The following NELFCD variants were observed in gnomAD, a reference collection of about 807,000 sequenced individuals.
NELFCD encodes the protein negative elongation factor C/D.
A neutral mutation model predicts 72.9 loss-of-function variants in NELFCD; 48 were observed. That is an observed-to-expected ratio of 0.66 (90% confidence interval 0.52 to 0.84). The LOEUF (loss-of-function observed/expected upper bound fraction) is 0.84, where lower values mean the gene tolerates loss of function less well. Ranked by LOEUF, NELFCD falls within the 40% of genes least tolerant of loss-of-function variation. The pLI is 0.00. For missense variants in NELFCD, 538 were observed against 723.8 expected, an observed-to-expected ratio of 0.74 and a Z score of 2.94; for synonymous variants, 297 against 280.6, an observed-to-expected ratio of 1.06 and a Z score of -0.59.
intron 10 of NELFCD, 132 bp downstream of exon 10, chr20:58,992,152 CAG>C: frequency 1.0e-6 from 1 of 1,003,716 alleles, no homozygotes; most frequent in Non-Finnish European, 1.4e-6. Context: ...CATTTTTAAA[CAG>C]TATGTAGGGA....
chr20:58,986,835 C>T lies in NELFCD; in HGVS notation c.258C>T (p.Asn86=). 2 of 1,613,862 alleles carry T rather than the reference C, an allele frequency of 1.2e-6. No individual in the cohort carries two copies. The highest frequency in any genetic ancestry group is 1.7e-6 in the Non-Finnish European group (2 of 1,179,850). ...ACACCGCTGTGGCCCAGACTGTGAA[C>T]CTGCTGGCCGAGTGGCTCATTCAGA... ...ENYTAVAQTV[N]LLAEWLIQTG... The change falls in exon 3 of 15, where the codon AAC becomes AAT. Residue 86 remains asparagine, a synonymous_variant. Coordinates refer to ENST00000652272, the MANE Select transcript of NELFCD (RefSeq NM_198976.4). The surrounding 1 kb of genome is among the most constrained non-coding windows in gnomAD (Gnocchi z 4.4).
intron 4 of NELFCD, 86 bp from the exon 5 acceptor site, chr20:58,988,828 C>A: frequency 2.0e-6 from 2 of 985,464 alleles, no homozygotes; most frequent in Non-Finnish European, 3.2e-6. Flanking sequence ...CAGCACCAAT[C>A]TCCTGTGATC....
intron 10 of NELFCD, 150 bp from the exon 11 acceptor site, chr20:58,992,848 C>CAAAAAAAAAAAAAA (rs371549496): frequency 3.3e-5 from 14 of 418,016 alleles, no homozygotes; most frequent in Non-Finnish European, 1.3e-5. Context: ...GACCCTGTCT[C>CAAAAAAAAAAAAAA]AAAAAAAAAA....
chr20:58,991,494 C>G, intron 9 of NELFCD, 48 bp downstream of exon 9: 1 of 1,608,528 alleles, frequency 6.2e-7, no homozygotes, highest in African/African-American at 1.3e-5. Context: ...GACAAATATC[C>G]TCCTCTGCTT....
Position 58,994,576 on chromosome 20 carries a change from A to G in NELFCD, c.1712-66A>G, listed in dbSNP as rs941474851. 8.1e-6 allele frequency: 11 copies of G among 1,356,456 alleles called. No homozygotes were observed. The East Asian group carries it at 9.2e-5, about 11-fold the overall frequency. 84.0% of individuals were successfully genotyped at this position (1,356,456 alleles called of 1,614,324 possible). Reference sequence around the variant, plus strand: ...AAACTGCATCTCAAAAAAAAAAAAAAAAAAGAAAGAAAATGTCATGTTCTA... The same window carrying G: ...AAACTGCATCTCAAAAAAAAAAAAAGAAAAGAAAGAAAATGTCATGTTCTA... On this transcript the variant is annotated intron_variant, in intron 14 of 14. Transcript: ENST00000652272.
intron 6 of NELFCD, 69 bp downstream of exon 6, chr20:58,989,709 A>G (rs748076762): frequency 6.2e-7 from 1 of 1,610,038 alleles, no homozygotes; most frequent in African/African-American, 1.3e-5. Flanking sequence ...CAAGCATGAG[A>G]TGCTCCTTCC....
At position 58,989,934 on chromosome 20, in the gene NELFCD, G is replaced by A; in HGVS notation, c.734G>A (p.Gly245Glu). ...MMSVLAQEEQGGSAVRRIAQE... is the reference protein window; with the variant it reads ...MMSVLAQEEQEGSAVRRIAQE... ...TCCGTGCTGGCCCAGGAGGAGCAGG[G>A]GGGCTCCGCTGTGCGCAGGATCGCC... The change falls in exon 7 of 15, where the codon GGG becomes GAG. Residue 245 changes from glycine to glutamate, a missense_variant. Physicochemically the swap from Gly to Glu is moderately conservative, Grantham distance 98. Around this residue, in one of 3 missense-constraint regions of NELFCD, gnomAD observed 355 missense variants for 534.5 expected, o/e 0.66. Coordinates refer to ENST00000652272, the MANE Select transcript of NELFCD (RefSeq NM_198976.4). 1.2e-6 allele frequency: 2 copies of A among 1,614,116 alleles called. No homozygotes were observed. The highest frequency in any genetic ancestry group is 1.7e-6 in the Non-Finnish European group (2 of 1,180,030).
Position 58,993,672 on chromosome 20 carries a change from C to T in NELFCD, c.1489C>T (p.Arg497Ter), listed in dbSNP as rs770225133. Residue 497 changes from arginine to a stop codon, truncating the protein, a stop_gained, in exon 13 of 15, where the codon CGA becomes TGA. Coordinates refer to ENST00000652272, the MANE Select transcript of NELFCD (RefSeq NM_198976.4). LOFTEE classifies it high-confidence loss of function. The surrounding 1 kb of genome is among the most constrained non-coding windows in gnomAD (Gnocchi z 5.0). ...GGACAGGATGGTTCACCTGCTGAGT[C>T]GAGGTTATGTACTTCCTGTTGTCAG... ...LLDRMVHLLS[R>*]GYVLPVVSYI... The T allele has an allele frequency of 8.1e-6, 13 of 1,614,034 alleles. No homozygotes were observed. Among genetic ancestry groups the T allele is most frequent in the Admixed American group, 3.3e-5 (2 of 59,996 alleles).
Position 58,986,664 on chromosome 20 carries a change from T to C in NELFCD, c.177-90T>C. ...AGCCCCCTCCGCTGCTTTAAAAATT[T>C]TGAAACCTGATTCTCTTCCTCCTTC... On this transcript the variant is annotated intron_variant, in intron 2 of 14. Transcript: ENST00000652272. The surrounding 1 kb of genome is among the most constrained non-coding windows in gnomAD (Gnocchi z 4.4). The C allele has an allele frequency of 1.0e-6, 1 of 955,466 alleles. No homozygotes were observed. 59.2% of individuals were successfully genotyped at this position (955,466 alleles called of 1,614,324 possible).
intron 1 of NELFCD, among the ~76,000 whole-genome samples, chr20:58,982,668 G>C (rs1176067541): frequency 6.6e-6 from 1 of 152,234 alleles, no homozygotes; most frequent in Non-Finnish European, 1.5e-5. Context: ...CTGCCTGGTG[G>C]AAGCAGTGGC....
intron 1 of NELFCD, among the ~76,000 whole-genome samples, chr20:58,985,338 T>TA (rs2091764156): frequency 6.6e-6 from 1 of 152,242 alleles, no homozygotes; most frequent in Non-Finnish European, 1.5e-5. Context: ...TGTCTTGTCT[T>TA]ACATTTTCTT....
At chr20:58,990,720 C>T (rs2091809728) in intron 7 of NELFCD, 190 bp from the exon 8 acceptor site, 1 of 554,748 alleles carries the variant, frequency 1.8e-6, no homozygotes, top group African/African-American at 1.9e-5. Context: ...TGACTCCTTT[C>T]TTATAGAGCC....
rs1459464411 is a variant in NELFCD, at chr20:58,993,399, G to T, written c.1345-50G>T. The stretch of plus-strand genomic sequence containing the variant: ...GTGACAGTGCCCAGTTTCTCTGTGT[G>T]CTGAGCGTGACCACACTGCTCAGCG... On this transcript the variant is annotated intron_variant, in intron 11 of 14. Coordinates refer to ENST00000652272, the MANE Select transcript of NELFCD (RefSeq NM_198976.4). This position sits in a 1 kb window ranked among gnomAD's most constrained non-coding sequence, Gnocchi z 5.0. 6.4e-7 allele frequency: 1 copy of T among 1,563,382 alleles called. No individual in the cohort carries two copies. The highest frequency in any genetic ancestry group is 1.1e-5 in the South Asian group (1 of 89,144).
chr20:58,985,139 C>G (rs1453866517), intron 1 of NELFCD, among the ~76,000 whole-genome samples: 1 of 152,188 alleles, frequency 6.6e-6, no homozygotes, highest in African/African-American at 2.4e-5. Flanking sequence ...CAATCATAGA[C>G]AGTCCTTAAA....
chr20:58,991,672 A>G, intron 9 of NELFCD: 1 of 738,302 alleles, frequency 1.4e-6, no homozygotes, highest in South Asian at 1.9e-5. Flanking sequence ...AAAGAAATGA[A>G]ACTGATTTCC....
intron 1 of NELFCD, among the ~76,000 whole-genome samples, chr20:58,984,178 A>G (rs1043274086): frequency 1.3e-5 from 2 of 152,158 alleles, no homozygotes; most frequent in African/African-American, 2.4e-5. Context: ...CAGACATGCA[A>G]ATAGATGAGT....
At position 58,982,691 on chromosome 20, in the gene NELFCD, G is replaced by A. The variant is rs1445184218; in HGVS notation, c.60+1322G>A. Among the ~76,000 whole-genome samples the A allele has an allele frequency of 2.0e-5, 3 of 152,216 alleles. No individual in the cohort carries two copies. In the East Asian group the frequency reaches 5.8e-4, roughly 29 times the overall value. ...TGGAAGCAGTGGCAGGAGGTCAGTAGGGAGCAGGTTCTGAAGATCCTTGGA... is the reference window on the plus strand; with the variant it reads ...TGGAAGCAGTGGCAGGAGGTCAGTAAGGAGCAGGTTCTGAAGATCCTTGGA... On this transcript the variant is annotated intron_variant, in intron 1 of 14. Coordinates refer to ENST00000652272, the MANE Select transcript of NELFCD (RefSeq NM_198976.4).
At chr20:58,991,493 C>T in intron 9 of NELFCD, 47 bp downstream of exon 9, 1 of 1,609,064 alleles carries the variant, frequency 6.2e-7, no homozygotes, top group Non-Finnish European at 8.5e-7. Context: ...AGACAAATAT[C>T]CTCCTCTGCT....
Position 58,983,130 on chromosome 20 carries a change from C to G in NELFCD, c.60+1761C>G, listed in dbSNP as rs543044046. Among the ~76,000 whole-genome samples, 37 of 148,456 alleles carry G rather than the reference C, an allele frequency of 2.5e-4. No homozygotes were observed. In the South Asian group the frequency reaches 4.7e-3, roughly 19 times the overall value. On this transcript the variant is annotated intron_variant, in intron 1 of 14. Coordinates refer to ENST00000652272, the MANE Select transcript of NELFCD (RefSeq NM_198976.4). ...GGGGCATCTAGTATATCACCTTGAG[C>G]CTTTTTTTCTTTTTTTTTTTTTTTG... is the stretch of plus-strand genomic sequence containing the variant.
Sources: allele counts gnomAD v4.1 joint callset (sites outside exome capture counted in the v4.1 genomes callset), GRCh38; gene constraint gnomAD v4.1.1; regional missense constraint gnomAD v4.1.1; non-coding constraint Gnocchi (gnomAD v3.1); transcripts MANE v1.5; gene names NCBI Gene and HGNC (gene_info 2026-07-23, HGNC 2026-07-21).